PACSIN2: variants seen among roughly 807,000 people sequenced by gnomAD.
PACSIN2 encodes the protein protein kinase C and casein kinase substrate in neurons protein 2.
PACSIN2 carries 25 observed loss-of-function variants against 63.8 expected under a neutral mutation model. That is an observed-to-expected ratio of 0.39 (90% confidence interval 0.29 to 0.55). The LOEUF (loss-of-function observed/expected upper bound fraction) is 0.55. Ranked by LOEUF, PACSIN2 falls within the 20% of genes least tolerant of loss-of-function variation. PACSIN2 has a pLI of 0.62. For missense variants in PACSIN2, 518 were observed against 646.9 expected (o/e 0.80, Z 2.16); for synonymous variants, 255 against 256.2 (o/e 1.00, Z 0.05).
intron 1 of PACSIN2, among the ~76,000 whole-genome samples, chr22:42,969,043 C>CCATCCA (rs138542738): frequency 6.6e-6 from 1 of 150,772 alleles, no homozygotes; most frequent in Non-Finnish European, 1.5e-5. Flanking sequence ...ATCTATCTAT[C>CCATCCA]TCCATCCATC....
chr22:42,915,011 G>A (rs1384542816), intron 1 of PACSIN2, among the ~76,000 whole-genome samples: 3 of 152,092 alleles, frequency 2.0e-5, no homozygotes, highest in African/African-American at 7.2e-5. Context: ...CTACAGGCAC[G>A]TGCTGCCAGG....
At chr22:42,886,978 CA>C (rs998448371) in intron 5 of PACSIN2, among the ~76,000 whole-genome samples, 3 of 152,222 alleles carry the variant, frequency 2.0e-5, no homozygotes, top group African/African-American at 7.2e-5. Context: ...CTCACACAGG[CA>C]CGCCCCCGCC....
At chr22:42,882,471 G>T (rs553435353) in intron 6 of PACSIN2, among the ~76,000 whole-genome samples, 167 bp from the exon 7 acceptor site, 1 of 152,134 alleles carries the variant, frequency 6.6e-6, no homozygotes, top group Non-Finnish European at 1.5e-5. Context: ...GTCACGGGCC[G>T]CCACGTGCAC....
At chr22:42,956,743 C>CA (rs1188354076) in intron 1 of PACSIN2, among the ~76,000 whole-genome samples, 2 of 152,226 alleles carry the variant, frequency 1.3e-5, no homozygotes, top group African/African-American at 4.8e-5. Context: ...TCTAAGCCAA[C>CA]AGCAGCCCCA....
At chr22:42,976,586 CTG>C (rs1921721233) in intron 1 of PACSIN2, among the ~76,000 whole-genome samples, 1 of 152,232 alleles carries the variant, frequency 6.6e-6, no homozygotes, top group South Asian at 2.1e-4. Context: ...GATTCTATGA[CTG>C]TTTTAGATTT....
rs1387659334 is a variant in PACSIN2 at position 42,977,408 on chromosome 22, A to C, written c.-78+37613T>G. On this transcript the variant is annotated intron_variant, in intron 1 of 10. Coordinates refer to ENST00000263246, the MANE Select transcript of PACSIN2 (RefSeq NM_001184970.3). The stretch of plus-strand genomic sequence containing the variant: ...TTCACAGAAGAAAAAATAAAGAAAA[A>C]AGGTGAAATGGTGCTCAACCTCACC... Among the ~76,000 whole-genome samples, 2 of 152,208 alleles carry C rather than the reference A, an allele frequency of 1.3e-5. 1 individual carries two copies. Among genetic ancestry groups the C allele is most frequent in the Non-Finnish European group, 2.9e-5 (2 of 68,026 alleles).
At chr22:42,937,962 C>A (rs896139117) in intron 1 of PACSIN2, among the ~76,000 whole-genome samples, 1 of 152,234 alleles carries the variant, frequency 6.6e-6, no homozygotes, top group Non-Finnish European at 1.5e-5. Context: ...GTCTCACCTG[C>A]GCCTGCCTGG....
intron 1 of PACSIN2, among the ~76,000 whole-genome samples, chr22:42,946,114 G>A (rs573375533): frequency 1.3e-5 from 2 of 152,244 alleles, no homozygotes; most frequent in Admixed American, 1.3e-4. Context: ...ATTAGAGGAG[G>A]TGGAGGAGAA....
chr22:43,012,174 C>A (rs1343907703), intron 1 of PACSIN2, among the ~76,000 whole-genome samples: 4 of 146,932 alleles, frequency 2.7e-5, no homozygotes, highest in African/African-American at 1.0e-4. Context: ...TACATACATA[C>A]ATACATACAT....
At position 42,904,969 on chromosome 22, in the gene PACSIN2, G is replaced by A. The variant is rs139263470; in HGVS notation, c.60+7052C>T. ...TCTAATGAGCACTACGGACCCCACC[G>A]GCTCTAAAATGAAAGGAGATTTGTT... On this transcript the variant is annotated intron_variant, in intron 2 of 10. Coordinates refer to ENST00000263246, the MANE Select transcript of PACSIN2 (RefSeq NM_001184970.3). Among the ~76,000 whole-genome samples the A allele has an allele frequency of 5.0e-3, 763 of 152,220 alleles. 6 individuals are homozygous for A. Among genetic ancestry groups the A allele is most frequent in the African/African-American group, 0.017 (726 of 41,508 alleles).
At chr22:42,876,784 C>G in intron 9 of PACSIN2, 104 bp downstream of exon 9, 2 of 1,468,086 alleles carry the variant, frequency 1.4e-6, no homozygotes, top group South Asian at 2.4e-5. Flanking sequence ...TCCTGCAGAG[C>G]TCCGTGCATT....
At chr22:42,978,689 G>A (rs1921870187) in intron 1 of PACSIN2, among the ~76,000 whole-genome samples, 1 of 152,212 alleles carries the variant, frequency 6.6e-6, no homozygotes, top group Admixed American at 6.5e-5. Context: ...TTGGCCTGCA[G>A]ACGTTCAGGT....
At position 42,961,697 on chromosome 22, in the gene PACSIN2, C is replaced by T. The variant is rs569813516; in HGVS notation, c.-77-49540G>A. Among the ~76,000 whole-genome samples the T allele has an allele frequency of 1.4e-4, 21 of 152,194 alleles. 1 individual carries two copies. The highest frequency in any genetic ancestry group is 8.3e-4 in the South Asian group (4 of 4,822). On this transcript the variant is annotated intron_variant, in intron 1 of 10. Transcript: ENST00000263246. ...CTGAGGCACGAGAATCGCTTGACCCCAGGGAGCAGAGGTTGCAGTGAGCTG... is the reference window on the plus strand; with the variant it reads ...CTGAGGCACGAGAATCGCTTGACCCTAGGGAGCAGAGGTTGCAGTGAGCTG...
intron 1 of PACSIN2, among the ~76,000 whole-genome samples, chr22:42,941,375 G>C (rs1933151769): frequency 6.6e-6 from 1 of 152,162 alleles, no homozygotes; most frequent in Non-Finnish European, 1.5e-5. Context: ...CCTTTGTATG[G>C]ACAGATGTTT....
chr22:42,984,470 T>A (rs1211230898), intron 1 of PACSIN2, among the ~76,000 whole-genome samples: 2 of 152,150 alleles, frequency 1.3e-5, no homozygotes, highest in Non-Finnish European at 2.9e-5. Context: ...AGTAAAACAC[T>A]GGTCCCATCT....
chr22:42,975,951 C>G (rs961529671), intron 1 of PACSIN2, among the ~76,000 whole-genome samples: 12 of 152,154 alleles, frequency 7.9e-5, no homozygotes, highest in Admixed American at 1.3e-4. Flanking sequence ...AAATACCAGG[C>G]CAAAAGCGGG....
At chr22:43,010,663 TCAC>T (rs1218428646) in intron 1 of PACSIN2, among the ~76,000 whole-genome samples, 2 of 151,858 alleles carry the variant, frequency 1.3e-5, no homozygotes, top group African/African-American at 4.8e-5. Context: ...TGAGCCAAGA[TCAC>T]ACCACAGGGC....
intron 1 of PACSIN2, chr22:42,993,641 T>C (rs1923200191): frequency 6.6e-6 from 1 of 152,226 alleles, no homozygotes; most frequent in African/African-American, 2.4e-5. Flanking sequence ...GAAAACTGCA[T>C]TGCCCTTATT....
At chr22:42,919,670 G>T (rs1932036241) in intron 1 of PACSIN2, among the ~76,000 whole-genome samples, 1 of 150,988 alleles carries the variant, frequency 6.6e-6, no homozygotes, top group African/African-American at 2.4e-5. Context: ...CTACTCAGGA[G>T]GCTGAGGCAG....
Sources: gnomAD v4.1 joint callset for allele counts (sites outside exome capture counted in the v4.1 genomes callset) on GRCh38, gnomAD v4.1.1 for gene constraint, MANE v1.5 for transcripts, NCBI Gene and HGNC (gene_info 2026-07-23, HGNC 2026-07-21) for gene names.